PCDH15: variants seen among roughly 807,000 people sequenced by gnomAD.
PCDH15 encodes protocadherin related 15.
Under a neutral mutation model 178.5 loss-of-function variants are expected in PCDH15, and 129 were observed. The ratio of observed to expected loss-of-function variants is 0.72; its 90% CI spans 0.63 to 0.84. PCDH15 has a LOEUF of 0.84. PCDH15 is among the 40% of genes least tolerant of loss of function. The pLI is 0.00. For missense variants in PCDH15, 2,230 were observed against 2,099.9 expected (o/e 1.06, Z -1.21); for synonymous variants, 800 against 732.0 (o/e 1.09, Z -1.50).
intron 2 of PCDH15, among the ~76,000 whole-genome samples, chr10:55,058,678 G>A (rs536003751): frequency 2.4e-4 from 37 of 151,854 alleles, no homozygotes; most frequent in African/African-American, 8.5e-4. Context: ...TTTCAAATTC[G>A]TACTAATGTT....
chr10:54,568,623 T>A (rs1565620147), intron 2 of PCDH15: 1 of 152,094 alleles, frequency 6.6e-6, no homozygotes. Context: ...AGAGCACATA[T>A]ACTTCTCTTC....
intron 3 of PCDH15, among the ~76,000 whole-genome samples, chr10:54,492,094 A>C (rs1225089787): frequency 6.6e-6 from 1 of 152,244 alleles, no homozygotes; most frequent in Non-Finnish European, 1.5e-5. Context: ...CAATAACAGC[A>C]AAATTGTAAA....
At chr10:55,106,940 T>G (rs1429093161) in intron 2 of PCDH15, among the ~76,000 whole-genome samples, 1 of 152,156 alleles carries the variant, frequency 6.6e-6, no homozygotes, top group Non-Finnish European at 1.5e-5. Context: ...TTCTAGTACC[T>G]TTGGTGAAGG....
chr10:55,041,698 C>T (rs1317338324), intron 2 of PCDH15, among the ~76,000 whole-genome samples: 1 of 152,122 alleles, frequency 6.6e-6, no homozygotes, highest in Non-Finnish European at 1.5e-5. Flanking sequence ...TGTCTAATAA[C>T]TTGCCATCTT....
At chr10:55,209,127 T>G (rs1231301973) in intron 1 of PCDH15, among the ~76,000 whole-genome samples, 4 of 152,016 alleles carry the variant, frequency 2.6e-5, no homozygotes, top group African/African-American at 9.7e-5. Flanking sequence ...AGAAGACTGT[T>G]AAATGATGAT....
At chr10:55,404,720 A>C (rs1193857239) in intron 2 of PCDH15, among the ~76,000 whole-genome samples, 1 of 151,996 alleles carries the variant, frequency 6.6e-6, no homozygotes, top group Non-Finnish European at 1.5e-5. Flanking sequence ...TTAACATTTG[A>C]ATGTATAAAA....
intron 5 of PCDH15, among the ~76,000 whole-genome samples, chr10:54,351,864 C>A (rs150419231): frequency 2.6e-5 from 4 of 152,242 alleles, no homozygotes; most frequent in Non-Finnish European, 5.9e-5. Flanking sequence ...ACAGACTGTC[C>A]ATGAATAAAC....
chr10:55,315,941 G>C (rs1387088605), intron 1 of PCDH15, among the ~76,000 whole-genome samples: 1 of 152,096 alleles, frequency 6.6e-6, no homozygotes, highest in East Asian at 1.9e-4. Flanking sequence ...ACTTGAACCT[G>C]GGAGGCAGAG....
intron 2 of PCDH15, among the ~76,000 whole-genome samples, chr10:54,639,096 A>G (rs929670956): frequency 2.0e-5 from 3 of 152,200 alleles, no homozygotes; most frequent in Admixed American, 6.6e-5. Context: ...CGTAAAATTC[A>G]CAGGTGAGTA....
intron 2 of PCDH15, among the ~76,000 whole-genome samples, chr10:55,135,645 C>A (rs1838175056): frequency 8.0e-6 from 1 of 124,444 alleles, no homozygotes; most frequent in Non-Finnish European, 1.6e-5. Flanking sequence ...TGCAGTGGCA[C>A]TATCATGGCT....
rs1360372393 is a variant in PCDH15, at chr10:53,997,503, A to G, written c.2752-1738T>C. On this transcript the variant is annotated intron_variant, in intron 20 of 37. Coordinates refer to ENST00000644397, the MANE Select transcript of PCDH15 (RefSeq NM_001384140.1). Reference sequence around the variant, plus strand: ...GCAATGTTTCCATGCATGAGTTTCCAATGAGCTCATTATGTTCTTAAAAAT... The same window carrying G: ...GCAATGTTTCCATGCATGAGTTTCCGATGAGCTCATTATGTTCTTAAAAAT... Among the ~76,000 whole-genome samples the G allele has an allele frequency of 3.9e-5, 6 of 152,288 alleles. No individual in the cohort carries two copies. The South Asian group carries it at 1.2e-3, about 32-fold the overall frequency.
rs756403719 is a variant in PCDH15, at chr10:53,821,979, T to C, written c.4368-1749A>G. ...TGTTACTTCTGAAGGGCACATAGTTTGAAGTTCTGAAACATTTGTGCGTAG... is the reference window on the plus strand; with the variant it reads ...TGTTACTTCTGAAGGGCACATAGTTCGAAGTTCTGAAACATTTGTGCGTAG... On this transcript the variant is annotated intron_variant, in intron 32 of 37. Transcript: ENST00000644397. The C allele has an allele frequency of 1.9e-6, 3 of 1,613,988 alleles. No individual in the cohort carries two copies. The highest frequency in any genetic ancestry group is 2.2e-5 in the East Asian group (1 of 44,878).
intron 2 of PCDH15, among the ~76,000 whole-genome samples, chr10:55,114,068 C>G (rs1837573521): frequency 6.6e-6 from 1 of 152,162 alleles, no homozygotes; most frequent in African/African-American, 2.4e-5. Flanking sequence ...CCTGCCTCAG[C>G]CTCCTGAGTA....
intron 21 of PCDH15, among the ~76,000 whole-genome samples, chr10:53,970,407 A>G (rs186292450): frequency 1.3e-5 from 2 of 152,164 alleles, no homozygotes; most frequent in African/African-American, 4.8e-5. Flanking sequence ...ACACAATAAT[A>G]ATGGGGGACT....
At chr10:55,148,306 C>T (rs1838589535) in intron 2 of PCDH15, among the ~76,000 whole-genome samples, 1 of 151,800 alleles carries the variant, frequency 6.6e-6, no homozygotes, top group Non-Finnish European at 1.5e-5. Flanking sequence ...GTAGTAAGAA[C>T]ATTTATTAAC....
chr10:55,248,272 T>G (rs934537434), intron 1 of PCDH15, among the ~76,000 whole-genome samples: 3 of 152,050 alleles, frequency 2.0e-5, no homozygotes, highest in Non-Finnish European at 4.4e-5. Context: ...TAGATATCAT[T>G]TTGAAAAAAA....
chr10:54,430,473 C>T (rs1378239125), intron 3 of PCDH15, among the ~76,000 whole-genome samples: 1 of 152,024 alleles, frequency 6.6e-6, no homozygotes, highest in African/African-American at 2.4e-5. Context: ...CTTATCTAAC[C>T]ACAATGGAAT....
At position 55,626,962 on chromosome 10, in the gene PCDH15, G is replaced by C. The variant is rs111400475; in HGVS notation, c.-156+663C>G. On this transcript the variant is annotated intron_variant, in intron 2 of 5. Transcript: ENST00000613346. ...ACATGGAAAGAAAGAAAATGAGAGA[G>C]AGAGAAAGAAGGAAGGAGAGAAGGA... is the stretch of plus-strand genomic sequence containing the variant. Among the ~76,000 whole-genome samples, 990 of 152,244 alleles carry C rather than the reference G, an allele frequency of 6.5e-3. 15 individuals carry two copies. Among genetic ancestry groups the C allele is most frequent in the African/African-American group, 0.023 (939 of 41,534 alleles).
chr10:54,556,639 G>A (rs1238961843), intron 2 of PCDH15, among the ~76,000 whole-genome samples: 6 of 134,728 alleles, frequency 4.5e-5, no homozygotes, highest in Admixed American at 7.9e-5. Context: ...TTTTTTTTTC[G>A]GCTGTAGGGG....
Sources: allele counts gnomAD v4.1 joint callset (sites outside exome capture counted in the v4.1 genomes callset), GRCh38; gene constraint gnomAD v4.1.1; transcripts MANE v1.5; gene names NCBI Gene and HGNC (gene_info 2026-07-23, HGNC 2026-07-21).